The following GFRA2 variants were observed in gnomAD, a reference collection of about 807,000 sequenced individuals.
The protein encoded by GFRA2 is GDNF family receptor alpha-2.
Under a neutral mutation model 48.3 loss-of-function variants are expected in GFRA2, and 17 were observed. The observed-to-expected ratio is 0.35, with a 90% confidence interval of 0.24 to 0.53. The LOEUF (loss-of-function observed/expected upper bound fraction) is 0.53. Among genes scored for constraint, GFRA2 ranks in the 20% least tolerant of loss-of-function variants. The pLI is 0.93. For missense variants in GFRA2, 660 were observed against 637.3 expected, an observed-to-expected ratio of 1.04 and a Z score of -0.38; for synonymous variants, 305 against 257.2, an observed-to-expected ratio of 1.19 and a Z score of -1.78.
chr8:21,764,512 T>G (rs1320445161), intron 3 of GFRA2, among the ~76,000 whole-genome samples: 2 of 152,234 alleles, frequency 1.3e-5, no homozygotes, highest in African/African-American at 4.8e-5. Context: ...GAAAATAGAT[T>G]TGGACAGAAA....
intron 3 of GFRA2, among the ~76,000 whole-genome samples, chr8:21,758,202 T>TCC (rs746562156): frequency 3.6e-5 from 4 of 111,758 alleles, no homozygotes; most frequent in Non-Finnish European, 6.9e-5. Flanking sequence ...CTTGGCCCAC[T>TCC]CCCCACACAC....
chr8:21,740,949 A>T (rs1239143405), intron 4 of GFRA2, among the ~76,000 whole-genome samples: 1 of 152,036 alleles, frequency 6.6e-6, no homozygotes, highest in Non-Finnish European at 1.5e-5. Context: ...TTATCCACTT[A>T]TCTCTCTCCA....
chr8:21,716,427 T>C lies in GFRA2; in HGVS notation c.795-10386A>G, dbSNP rs577537215. ...AGAAGCACACACTAGAAAGGCCACG[T>C]GGGCCAAAAACAAAACCCACAAAGG... On this transcript the variant is annotated intron_variant, in intron 4 of 8. Transcript: ENST00000524240. Among the ~76,000 whole-genome samples, 5 of 152,172 alleles carry C rather than the reference T, an allele frequency of 3.3e-5. No homozygotes were observed. The South Asian group carries it at 8.3e-4, about 25-fold the overall frequency.
At chr8:21,696,414 T>G (rs527252109) in intron 7 of GFRA2, among the ~76,000 whole-genome samples, 37 of 152,036 alleles carry the variant, frequency 2.4e-4, no homozygotes, top group Non-Finnish European at 4.4e-4. Context: ...TAAAATTGTT[T>G]GGATAATAGT....
intron 4 of GFRA2, among the ~76,000 whole-genome samples, chr8:21,737,313 C>T (rs1804515989): frequency 6.6e-6 from 1 of 151,850 alleles, no homozygotes; most frequent in African/African-American, 2.4e-5. Flanking sequence ...AGGTTGCAGT[C>T]AGCCAAGATC....
intron 2 of GFRA2, among the ~76,000 whole-genome samples, chr8:21,795,370 TCTTTTTTCTTTTTC>T (rs1807651246): frequency 6.6e-6 from 1 of 151,378 alleles, no homozygotes; most frequent in South Asian, 2.1e-4. Flanking sequence ...TTTTCTTTTT[TCTTTTTTCTTTTTC>T]TTTTTATTTA....
At chr8:21,805,825 T>A (rs528341325) in intron 1 of GFRA2, among the ~76,000 whole-genome samples, 1 of 152,346 alleles carries the variant, frequency 6.6e-6, no homozygotes, top group Admixed American at 6.5e-5. Flanking sequence ...AATGAATTAC[T>A]TGTTAATTGC....
chr8:21,713,040 G>GA (rs1803145195), intron 4 of GFRA2, among the ~76,000 whole-genome samples: 1 of 131,492 alleles, frequency 7.6e-6, no homozygotes, highest in African/African-American at 3.6e-5. Context: ...GGGAGACGAG[G>GA]GAGAGGGAGA....
intron 2 of GFRA2, among the ~76,000 whole-genome samples, chr8:21,803,154 T>C (rs992659834): frequency 2.0e-5 from 3 of 152,216 alleles, no homozygotes; most frequent in Non-Finnish European, 4.4e-5. Flanking sequence ...ACACGGTCAC[T>C]CAGGGATCCA....
intron 4 of GFRA2, among the ~76,000 whole-genome samples, chr8:21,741,657 CTCACACCTGTAA>C (rs1804748686): frequency 6.6e-6 from 1 of 152,178 alleles, no homozygotes; most frequent in Non-Finnish European, 1.5e-5. Context: ...AGCCCACTGG[CTCACACCTGTAA>C]TCCCAGCACT....
At chr8:21,759,544 G>GGAAGGAAGGAA (rs1805792066) in intron 3 of GFRA2, among the ~76,000 whole-genome samples, 1 of 82,680 alleles carries the variant, frequency 1.2e-5, no homozygotes, top group African/African-American at 5.0e-5. Flanking sequence ...GAAGGAAGGA[G>GGAAGGAAGGAA]GGAAGGAAGG....
chr8:21,790,487 T>G (rs1174051268), upstream of GFRA2, among the ~76,000 whole-genome samples: 4 of 152,198 alleles, frequency 2.6e-5, no homozygotes, highest in African/African-American at 7.2e-5. Flanking sequence ...CAGCCTTAGC[T>G]ATTGGGAAAG....
At chr8:21,723,386 T>C (rs963874180) in intron 4 of GFRA2, among the ~76,000 whole-genome samples, 27 of 151,628 alleles carry the variant, frequency 1.8e-4, no homozygotes, top group African/African-American at 6.5e-4. Context: ...AAAATCTGAG[T>C]CTAAATCCAG....
intron 6 of GFRA2, 102 bp downstream of exon 6, chr8:21,704,883 A>G: frequency 1.1e-6 from 1 of 941,712 alleles, no homozygotes; most frequent in Non-Finnish European, 1.7e-6. Flanking sequence ...AGCCTCATCT[A>G]CATCACCAGC....
intron 4 of GFRA2, among the ~76,000 whole-genome samples, chr8:21,710,155 G>A (rs1436356851): frequency 6.6e-6 from 1 of 152,204 alleles, no homozygotes; most frequent in Non-Finnish European, 1.5e-5. Context: ...GTGTGACCTT[G>A]GGCTGGCCTG....
In GFRA2 at chr8:21,750,143, T is replaced by A. The variant is rs1805219511; in HGVS notation, c.794+445A>T. On this transcript the variant is annotated intron_variant, in intron 4 of 8. Transcript: ENST00000524240. The surrounding 1 kb of genome is among the most constrained non-coding windows in gnomAD (Gnocchi z 5.7). Reference sequence around the variant, plus strand: ...TATAGGTAGAGACTGAGTTTTGCTATGTTGCCCAGGATGGTCTCAAACTCC... The same window carrying A: ...TATAGGTAGAGACTGAGTTTTGCTAAGTTGCCCAGGATGGTCTCAAACTCC... 6.7e-6 allele frequency among the ~76,000 whole-genome samples: 1 copy of A among 149,184 alleles called. No individual in the cohort carries two copies. Among genetic ancestry groups the A allele is most frequent in the African/African-American group, 2.4e-5 (1 of 41,154 alleles).
At chr8:21,776,661 G>A (rs1806722357) in intron 2 of GFRA2, among the ~76,000 whole-genome samples, 1 of 152,014 alleles carries the variant, frequency 6.6e-6, no homozygotes, top group African/African-American at 2.4e-5. Flanking sequence ...AGTAGAGATG[G>A]GGTTTCACCA....
intron 2 of GFRA2, among the ~76,000 whole-genome samples, chr8:21,802,250 T>C (rs1023334924): frequency 2.0e-5 from 3 of 152,314 alleles, no homozygotes; most frequent in African/African-American, 7.2e-5. Context: ...ACAGGGACAA[T>C]GACACCTGCC....
chr8:21,711,400 G>C (rs188294129), intron 4 of GFRA2, among the ~76,000 whole-genome samples: 225 of 152,330 alleles, frequency 1.5e-3, no homozygotes, highest in Non-Finnish European at 2.7e-3. Flanking sequence ...TCTCGGCTGA[G>C]ACCAAGCTAA....
Sources: gnomAD v4.1 joint callset for allele counts (sites outside exome capture counted in the v4.1 genomes callset) on GRCh38, gnomAD v4.1.1 for gene constraint, Gnocchi (gnomAD v3.1) non-coding constraint, MANE v1.5 for transcripts, NCBI Gene and HGNC (gene_info 2026-07-23, HGNC 2026-07-21) for gene names.